Variants in PIK3CD observed in about 807,000 individuals in gnomAD.
The protein encoded by PIK3CD is phosphatidylinositol 4,5-bisphosphate 3-kinase catalytic subunit delta isoform.
A neutral mutation model predicts 122.9 loss-of-function variants in PIK3CD; 20 were observed. The ratio of observed to expected loss-of-function variants is 0.16; its 90% CI spans 0.11 to 0.24. PIK3CD has a LOEUF of 0.24. Ranked by LOEUF, PIK3CD falls within the 10% of genes least tolerant of loss-of-function variation. The probability of loss-of-function intolerance (pLI) is 1.00; values close to 1 mark genes in which losing one functional copy is unlikely to be tolerated. For missense variants in PIK3CD, 787 were observed against 1,406.3 expected (o/e 0.56, Z 7.04); for synonymous variants, 596 against 593.4 (o/e 1.00, Z -0.06).
In PIK3CD at chr1:9,710,944, C is replaced by G. The variant is rs1434460830; in HGVS notation, c.141+348C>G. Among the ~76,000 whole-genome samples the G allele has an allele frequency of 6.6e-6, 1 of 151,960 alleles. No homozygotes were observed. ...GGGATTACAGGCATGCACCATCACG[C>G]CCAACTAATTTTGTATTTTTAGTAG... On this transcript the variant is annotated intron_variant, in intron 3 of 23. Coordinates refer to ENST00000377346, the MANE Select transcript of PIK3CD (RefSeq NM_005026.5). The surrounding 1 kb of genome is among the most constrained non-coding windows in gnomAD (Gnocchi z 4.7).
At chr1:9,672,122 G>T (rs1032574742) in intron 1 of PIK3CD, among the ~76,000 whole-genome samples, 12 of 152,164 alleles carry the variant, frequency 7.9e-5, no homozygotes, top group African/African-American at 2.9e-4. Flanking sequence ...GAAGAGATGG[G>T]ATGTGCAGCT....
At chr1:9,678,161 AAAAC>A (rs1460254304) in intron 1 of PIK3CD, among the ~76,000 whole-genome samples, 1 of 151,868 alleles carries the variant, frequency 6.6e-6, no homozygotes, top group African/African-American at 2.4e-5. Flanking sequence ...AAAAAAAACA[AAAAC>A]AAAAAAACAA....
the PIK3CD span, among the ~76,000 whole-genome samples, chr1:9,636,966 C>T: frequency 2.0e-5 from 3 of 151,768 alleles, no homozygotes; most frequent in African/African-American, 7.3e-5. Flanking sequence ...GGCCCGATCT[C>T]GGCTCACTGC....
chr1:9,668,306 C>T (rs1043580582), intron 1 of PIK3CD, among the ~76,000 whole-genome samples: 1 of 152,064 alleles, frequency 6.6e-6, no homozygotes, highest in Non-Finnish European at 1.5e-5. Flanking sequence ...TTCTCTGATC[C>T]TCTATTTCCT....
chr1:9,661,331 C>T (rs1028265920), intron 1 of PIK3CD, among the ~76,000 whole-genome samples: 18 of 152,110 alleles, frequency 1.2e-4, no homozygotes, highest in African/African-American at 3.1e-4. Flanking sequence ...CTACTCGCCT[C>T]GGCCTCCCAA....
rs1462899557 is a variant in PIK3CD at position 9,719,548 on chromosome 1, C to T, written c.1243-373C>T. Among the ~76,000 whole-genome samples the T allele has an allele frequency of 6.6e-6, 1 of 151,978 alleles. No homozygotes were observed. Among genetic ancestry groups the T allele is most frequent in the East Asian group, 1.9e-4 (1 of 5,176 alleles). On this transcript the variant is annotated intron_variant, in intron 9 of 23. Coordinates refer to ENST00000377346, the MANE Select transcript of PIK3CD (RefSeq NM_005026.5). The surrounding 1 kb of genome is among the most constrained non-coding windows in gnomAD (Gnocchi z 5.5). Reference sequence around the variant, plus strand: ...TGGAGGCACATGCCTGTAATCTCAGCTACTTGGGAGGCTGAGGCAGGATAA... The same window carrying T: ...TGGAGGCACATGCCTGTAATCTCAGTTACTTGGGAGGCTGAGGCAGGATAA...
chr1:9,654,554 G>A, intron 1 of PIK3CD: 1 of 498,552 alleles, frequency 2.0e-6, no homozygotes, highest in Middle Eastern at 6.9e-4. Context: ...GGTGAGAGTC[G>A]GTTCCTGCTT....
chr1:9,703,216 CAT>C lies in PIK3CD; in HGVS notation c.-32-7205_-32-7204del, dbSNP rs763957102. On this transcript the variant is annotated intron_variant, in intron 2 of 23. Coordinates refer to ENST00000377346, the MANE Select transcript of PIK3CD (RefSeq NM_005026.5). ...AAACCCACTGGACTGACTTGATAGT[CAT>C]ATGGCCATCCTGGAATCCTATAGTC... is the stretch of plus-strand genomic sequence containing the variant. Among the ~76,000 whole-genome samples, 43 of 152,236 alleles carry C rather than the reference CAT, an allele frequency of 2.8e-4. 1 individual carries two copies. Among genetic ancestry groups the C allele is most frequent in the Non-Finnish European group, 4.8e-4 (33 of 68,042 alleles).
Position 9,718,025 on chromosome 1 carries a change from C to T in PIK3CD, c.1020+399C>T. The T allele has an allele frequency of 2.1e-6, 1 of 473,152 alleles. No individual in the cohort carries two copies. The highest frequency in any genetic ancestry group is 1.6e-5 in the South Asian group (1 of 61,928). 29.3% of individuals were successfully genotyped at this position (473,152 alleles called of 1,614,324 possible). A position where few individuals can be genotyped will look rare whatever the true frequency, so the allele number is the denominator to read the frequency against. ...CGGTGCCTGCAGCCTGTGAGGGCTG[C>T]ACCTGCCTCAACCTCTAGGGGCTGA... On this transcript the variant is annotated intron_variant, in intron 8 of 23. Transcript: ENST00000377346. The surrounding 1 kb of genome is among the most constrained non-coding windows in gnomAD (Gnocchi z 7.2).
Position 9,717,627 on chromosome 1 carries a change from GTGGGGCTC to G in PIK3CD, c.1020+2_1020+9del. ...AGTGAACGCCGACGAGCGGATGAAG[GTGGGGCTC>G]CTGGGATAGGTGGGAGAGACACTGT... is the stretch of plus-strand genomic sequence containing the variant. On this transcript the variant is annotated splice_donor_variant and splice_donor_5th_base_variant and intron_variant, in intron 8 of 23. Transcript: ENST00000377346. LOFTEE classifies it high-confidence loss of function. The surrounding 1 kb of genome is among the most constrained non-coding windows in gnomAD (Gnocchi z 5.4). The G allele has an allele frequency of 6.2e-7, 1 of 1,613,988 alleles. No individual in the cohort carries two copies. Among genetic ancestry groups the G allele is most frequent in the Non-Finnish European group, 8.5e-7 (1 of 1,179,910 alleles).
chr1:9,654,489 C>T, intron 1 of PIK3CD: 1 of 451,010 alleles, frequency 2.2e-6, no homozygotes, highest in Non-Finnish European at 2.7e-6. Flanking sequence ...TGTGCGAAAG[C>T]CAGCCCGCTT....
chr1:9,690,066 C>G (rs1041418118), intron 1 of PIK3CD, among the ~76,000 whole-genome samples: 1 of 152,182 alleles, frequency 6.6e-6, no homozygotes, highest in Admixed American at 6.5e-5. Context: ...CGCGCCTGTT[C>G]GGGGCAGGCT....
rs573443193 is a variant in PIK3CD, at chr1:9,706,866, G to C, written c.-32-3558G>C. On this transcript the variant is annotated intron_variant, in intron 2 of 23. Coordinates refer to ENST00000377346, the MANE Select transcript of PIK3CD (RefSeq NM_005026.5). Reference sequence around the variant, plus strand: ...GATTTTGCTGTATTGCCAAGCTGGTGTGTAGTGATCCATCATAGCATCTCA... The same window carrying C: ...GATTTTGCTGTATTGCCAAGCTGGTCTGTAGTGATCCATCATAGCATCTCA... 2.7e-5 allele frequency among the ~76,000 whole-genome samples: 4 copies of C among 149,038 alleles called. No homozygotes were observed. In the South Asian group the frequency reaches 8.4e-4, roughly 31 times the overall value.
At chr1:9,630,676 G>T in the PIK3CD span, among the ~76,000 whole-genome samples, 3 of 151,922 alleles carry the variant, frequency 2.0e-5, no homozygotes, top group Non-Finnish European at 4.4e-5. Flanking sequence ...TGCTGGGCCC[G>T]AATTCTACTG....
the PIK3CD span, among the ~76,000 whole-genome samples, chr1:9,631,108 C>G: frequency 3.9e-5 from 6 of 152,138 alleles, no homozygotes; most frequent in Admixed American, 3.3e-4. Context: ...TGCAGACAGC[C>G]CAGGGACACT....
intron 2 of PIK3CD, among the ~76,000 whole-genome samples, chr1:9,692,120 G>A (rs1481703445): frequency 1.3e-5 from 2 of 152,140 alleles, no homozygotes; most frequent in African/African-American, 4.8e-5. Context: ...TGAGGACACT[G>A]AGGCCAGAGA....
intron 1 of PIK3CD, among the ~76,000 whole-genome samples, chr1:9,676,153 A>T (rs1210129983): frequency 6.6e-6 from 1 of 151,868 alleles, no homozygotes; most frequent in Non-Finnish European, 1.5e-5. Flanking sequence ...GCTGGTCCTG[A>T]ACTCCTGACC....
In PIK3CD at chr1:9,716,873, G is replaced by A. The variant is rs576437775; in HGVS notation, c.781-86G>A. On this transcript the variant is annotated intron_variant, in intron 6 of 23. Coordinates refer to ENST00000377346, the MANE Select transcript of PIK3CD (RefSeq NM_005026.5). Reference sequence around the variant, plus strand: ...CTCCCAAGGCCTAGGACAGGCAGTGGGCAGCTTGGGGGGTCCTGGGAATCC... The same window carrying A: ...CTCCCAAGGCCTAGGACAGGCAGTGAGCAGCTTGGGGGGTCCTGGGAATCC... 6.6e-5 allele frequency: 104 copies of A among 1,583,336 alleles called. No homozygotes were observed. The East Asian group carries it at 2.2e-3, about 34-fold the overall frequency.
intron 1 of PIK3CD, among the ~76,000 whole-genome samples, chr1:9,673,990 A>G (rs941159851): frequency 6.6e-6 from 1 of 152,168 alleles, no homozygotes; most frequent in Non-Finnish European, 1.5e-5. Context: ...GCTCGACTCC[A>G]TGGCACCCCG....
Sources: gnomAD v4.1 joint callset for allele counts (sites outside exome capture counted in the v4.1 genomes callset) on GRCh38, gnomAD v4.1.1 for gene constraint, Gnocchi (gnomAD v3.1) non-coding constraint, MANE v1.5 for transcripts, NCBI Gene and HGNC (gene_info 2026-07-23, HGNC 2026-07-21) for gene names.